Variants in F2 observed in about 807,000 individuals in gnomAD.
F2 encodes the protein prothrombin.
In F2, 34 loss-of-function variants were observed where a neutral mutation model predicts 81.9. The observed-to-expected ratio is 0.42, with a 90% CI of 0.32 to 0.55. The LOEUF (loss-of-function observed/expected upper bound fraction) is 0.55. Ranked by LOEUF, F2 falls within the 20% of genes least tolerant of loss-of-function variation. F2 has a pLI of 0.18. For synonymous variants in F2, 296 were observed against 326.4 expected (o/e 0.91, Z 1.01); for missense variants, 630 against 833.4 (o/e 0.76, Z 3.00).
In F2 at chr11:46,719,926, C is replaced by CA; in HGVS notation, c.240+65dup. 6.5e-7 allele frequency: 1 copy of CA among 1,535,238 alleles called. No homozygotes were observed. The highest frequency in any genetic ancestry group is 1.2e-5 in the South Asian group (1 of 83,848). On this transcript the variant is annotated intron_variant, in intron 2 of 13. Coordinates refer to ENST00000311907, the MANE Select transcript of F2 (RefSeq NM_000506.5). The surrounding 1 kb of genome is among the most constrained non-coding windows in gnomAD (Gnocchi z 4.7). Reference sequence around the variant, plus strand: ...CCGGGCCCAACTCTAGACACTTCCACAGAGAAGCAAGCGAGGAACGCCACA... The same window carrying CA: ...CCGGGCCCAACTCTAGACACTTCCACAAGAGAAGCAAGCGAGGAACGCCACA...
chr11:46,723,375 G>A lies in F2; in HGVS notation c.423-7G>A, dbSNP rs2070852. 1 of 1,613,396 alleles carries A rather than the reference G, an allele frequency of 6.2e-7. No individual in the cohort carries two copies. ...ACAGCCTCCTGTTGGGCAATTTCCT[G>A]TTCCAGAATCAACTCCACTACCCAT... On this transcript the variant is annotated splice_region_variant and splice_polypyrimidine_tract_variant and intron_variant, in intron 5 of 13. Coordinates refer to ENST00000311907, the MANE Select transcript of F2 (RefSeq NM_000506.5). The surrounding 1 kb of genome is among the most constrained non-coding windows in gnomAD (Gnocchi z 5.6).
In F2 at chr11:46,739,426, G is replaced by C; in HGVS notation, c.*18G>C. 1 of 1,613,906 alleles carries C rather than the reference G, an allele frequency of 6.2e-7. No individual in the cohort carries two copies. Among genetic ancestry groups the C allele is most frequent in the Non-Finnish European group, 8.5e-7 (1 of 1,179,970 alleles). ...GAGAGTAGGGGGCCACTCATATTCT[G>C]GGCTCCTGGAACCAATCCCGTGAAA... On this transcript the variant is annotated 3_prime_UTR_variant, in exon 14 of 14. Coordinates refer to ENST00000311907, the MANE Select transcript of F2 (RefSeq NM_000506.5).
chr11:46,734,030 C>T (rs188984366), intron 12 of F2, among the ~76,000 whole-genome samples: 1 of 151,900 alleles, frequency 6.6e-6, no homozygotes, highest in East Asian at 2.0e-4. Context: ...TTGTGATCCT[C>T]CCGCCTCGGC....
chr11:46,729,662 A>G, intron 12 of F2, 101 bp downstream of exon 12: 1 of 1,351,046 alleles, frequency 7.4e-7, no homozygotes, highest in South Asian at 1.3e-5. Context: ...AAGTTGCCTA[A>G]CCTCTTGGTG....
At chr11:46,732,569 T>C (rs2064920129) in intron 12 of F2, among the ~76,000 whole-genome samples, 1 of 151,994 alleles carries the variant, frequency 6.6e-6, no homozygotes, top group Non-Finnish European at 1.5e-5. Context: ...GGCTAATTTT[T>C]TGTATTTTTA....
chr11:46,720,413 G>T (rs2064828995), intron 2 of F2, 110 bp from the exon 3 acceptor site: 3 of 1,256,414 alleles, frequency 2.4e-6, no homozygotes, highest in Non-Finnish European at 3.5e-6. Flanking sequence ...CCCAGAGCCT[G>T]CCCCCTGCGT....
Position 46,719,910 on chromosome 11 carries a change from A to G in F2, c.240+48A>G. 6.5e-7 allele frequency: 1 copy of G among 1,542,122 alleles called. No individual in the cohort carries two copies. The highest frequency in any genetic ancestry group is 8.7e-7 in the Non-Finnish European group (1 of 1,146,206). On this transcript the variant is annotated intron_variant, in intron 2 of 13. Transcript: ENST00000311907. The surrounding 1 kb of genome is among the most constrained non-coding windows in gnomAD (Gnocchi z 4.7). ...GTGCCGGGGCCTCAGACCGGGCCCA[A>G]CTCTAGACACTTCCACAGAGAAGCA...
chr11:46,727,386 G>A (rs974437680), intron 9 of F2, among the ~76,000 whole-genome samples: 4 of 152,246 alleles, frequency 2.6e-5, no homozygotes, highest in South Asian at 2.1e-4. Context: ...GCTCACCTCC[G>A]CGCACAGCTA....
intron 12 of F2, among the ~76,000 whole-genome samples, chr11:46,737,839 C>CT (rs112666449): frequency 0.11 from 15,253 of 141,306 alleles, 2,576 homozygotes; most frequent in African/African-American, 0.36. Flanking sequence ...CTCTTGCTAG[C>CT]TTTTTTTTTT....
chr11:46,729,928 T>C (rs2064900041), intron 12 of F2, among the ~76,000 whole-genome samples: 1 of 147,038 alleles, frequency 6.8e-6, no homozygotes, highest in South Asian at 2.1e-4. Flanking sequence ...GTCTGTGCCC[T>C]CAGAGAGCTT....
intron 4 of F2, 131 bp downstream of exon 4, chr11:46,720,971 G>A: frequency 2.2e-6 from 2 of 915,912 alleles, no homozygotes; most frequent in Non-Finnish European, 3.5e-6. Context: ...TCCCATTCCT[G>A]GGGTCAAGAT....
In F2 at chr11:46,729,296, A is replaced by C. The variant is rs558810726; in HGVS notation, c.1473-84A>C. 8.8e-6 allele frequency: 13 copies of C among 1,478,238 alleles called. No individual in the cohort carries two copies. In the East Asian group the frequency reaches 3.0e-4, roughly 34 times the overall value. The allele number at this position is 1,478,238 out of a possible 1,614,324, so 91.6% of individuals were successfully genotyped here. On this transcript the variant is annotated intron_variant, in intron 11 of 13. Transcript: ENST00000311907. ...TGCCCAGCCAGCTCTGGCGTTTTAGATTCTGGTCTCTAAGAAATGGCGTTG... is the reference window on the plus strand; with the variant it reads ...TGCCCAGCCAGCTCTGGCGTTTTAGCTTCTGGTCTCTAAGAAATGGCGTTG...
intron 13 of F2, 26 bp downstream of exon 13, chr11:46,739,144 T>C (rs1399883942): frequency 1.2e-6 from 2 of 1,613,670 alleles, no homozygotes; most frequent in South Asian, 2.2e-5. Context: ...GCCCAGGGCC[T>C]GGTGAACACA....
chr11:46,723,578 C>G lies in F2; in HGVS notation c.559+60C>G. ...GGCCCGGGGGCTTCATGGGGCCTGG[C>G]AGCCTGGGATGGGAACCAAGAATAC... On this transcript the variant is annotated intron_variant, in intron 6 of 13. Transcript: ENST00000311907. The surrounding 1 kb of genome is among the most constrained non-coding windows in gnomAD (Gnocchi z 5.6). 6.4e-7 allele frequency: 1 copy of G among 1,553,796 alleles called. No homozygotes were observed. The highest frequency in any genetic ancestry group is 1.2e-5 in the South Asian group (1 of 86,138).
At position 46,726,523 on chromosome 11, in the gene F2, A is replaced by T; in HGVS notation, c.900A>T (p.Gly300=). 6.2e-7 allele frequency: 1 copy of T among 1,613,986 alleles called. No homozygotes were observed. The highest frequency in any genetic ancestry group is 8.5e-7 in the Non-Finnish European group (1 of 1,179,888). The stretch of plus-strand genomic sequence containing the variant: ...AGGAGGCCGTGGAGGAGGAGACAGG[A>T]GATGGGCTGGATGAGGACTCAGACA... ...YCEEAVEEET[G]DGLDEDSDRA... is the part of the protein sequence containing the mutation. The change falls in exon 8 of 14, where the codon GGA becomes GGT. Residue 300 remains glycine, a synonymous_variant. Coordinates refer to ENST00000311907, the MANE Select transcript of F2 (RefSeq NM_000506.5). The surrounding 1 kb of genome is among the most constrained non-coding windows in gnomAD (Gnocchi z 5.9).
chr11:46,720,632 C>A (rs934512313), intron 3 of F2, 85 bp downstream of exon 3: 3 of 1,556,924 alleles, frequency 1.9e-6, no homozygotes, highest in Admixed American at 1.7e-5. Flanking sequence ...TTCTGCTGCA[C>A]CTAGCCATCC....
intron 12 of F2, among the ~76,000 whole-genome samples, chr11:46,734,780 C>T (rs972694705): frequency 4.6e-5 from 7 of 152,166 alleles, no homozygotes; most frequent in African/African-American, 1.4e-4. Context: ...CGCTGCACTC[C>T]AGCCTGGGTG....
rs748517980 is a variant in F2, at chr11:46,726,145, C to T, written c.846C>T (p.Asp282=). ...VWCYVAGKPG[D]FGYCDLNYCE... is the part of the protein sequence containing the mutation. ...GCTATGTGGCCGGGAAGCCTGGCGA[C>T]TTTGGGTACTGCGACCTCAACTATT... Residue 282 remains aspartate (D), a synonymous_variant, in exon 7 of 14, where the codon GAC becomes GAT. Coordinates refer to ENST00000311907, the MANE Select transcript of F2 (RefSeq NM_000506.5). This position sits in a 1 kb window ranked among gnomAD's most constrained non-coding sequence, Gnocchi z 5.9. The T allele has an allele frequency of 3.7e-6, 6 of 1,613,932 alleles. No individual in the cohort carries two copies. Among genetic ancestry groups the T allele is most frequent in the Admixed American group, 1.7e-5 (1 of 60,010 alleles).
Position 46,728,610 on chromosome 11 carries a change from C to A in F2, c.1299-54C>A. The A allele has an allele frequency of 6.2e-7, 1 of 1,605,766 alleles. No homozygotes were observed. Among genetic ancestry groups the A allele is most frequent in the Non-Finnish European group, 8.5e-7 (1 of 1,173,438 alleles). On this transcript the variant is annotated intron_variant, in intron 10 of 13. Coordinates refer to ENST00000311907, the MANE Select transcript of F2 (RefSeq NM_000506.5). The surrounding 1 kb of genome is among the most constrained non-coding windows in gnomAD (Gnocchi z 5.1). ...GACCCCAAGGGCAGGCAGTTTCCTG[C>A]TCCTTGCTGGGTGAACCTGCAGCTT...
Sources: allele counts gnomAD v4.1 joint callset (sites outside exome capture counted in the v4.1 genomes callset), GRCh38; gene constraint gnomAD v4.1.1; non-coding constraint Gnocchi (gnomAD v3.1); transcripts MANE v1.5; gene names NCBI Gene and HGNC (gene_info 2026-07-23, HGNC 2026-07-21).